The following DNAJC24 variants were observed in gnomAD, a reference collection of about 807,000 sequenced individuals.
DNAJC24 encodes dnaJ homolog subfamily C member 24.
A neutral mutation model predicts 18.0 loss-of-function variants in DNAJC24; 17 were observed. The ratio of observed to expected loss-of-function variants is 0.94; its 90% confidence interval spans 0.65 to 1.42. The LOEUF is 1.42. DNAJC24 is among the 40% of genes most tolerant of loss of function. DNAJC24 has a pLI of 0.00. For synonymous variants in DNAJC24, 55 were observed against 57.7 expected, an observed-to-expected ratio of 0.95 and a Z score of 0.21; for missense variants, 158 against 175.6, an observed-to-expected ratio of 0.90 and a Z score of 0.57.
At chr11:31,405,665 G>A (rs907673598) in intron 2 of DNAJC24, among the ~76,000 whole-genome samples, 1 of 151,934 alleles carries the variant, frequency 6.6e-6, no homozygotes, top group Non-Finnish European at 1.5e-5. Flanking sequence ...GTGTTGCCCA[G>A]GCTGGTCTCA....
At chr11:31,386,762 G>A (rs910091609) in intron 2 of DNAJC24, among the ~76,000 whole-genome samples, 11 of 152,200 alleles carry the variant, frequency 7.2e-5, no homozygotes, top group African/African-American at 1.9e-4. Flanking sequence ...TACCAGCTTC[G>A]CTACAGTGGG....
At chr11:31,375,500 C>T (rs1041111559) in intron 2 of DNAJC24, among the ~76,000 whole-genome samples, 2 of 134,874 alleles carry the variant, frequency 1.5e-5, no homozygotes, top group African/African-American at 5.0e-5. Flanking sequence ...GAGACTTGAA[C>T]ATGTTTACAC....
intron 2 of DNAJC24, among the ~76,000 whole-genome samples, chr11:31,386,333 A>C (rs1952430053): frequency 6.6e-6 from 1 of 151,480 alleles, no homozygotes; most frequent in South Asian, 2.1e-4. Context: ...ACTCTGGGAG[A>C]GATTCCTTCC....
chr11:31,371,643 T>A (rs1310408145), intron 2 of DNAJC24, among the ~76,000 whole-genome samples: 4 of 152,144 alleles, frequency 2.6e-5, no homozygotes. Flanking sequence ...GATTACTGGC[T>A]ATTTTGTGTT....
At position 31,411,396 on chromosome 11, in the gene DNAJC24, A is replaced by G. The variant is rs141016359; in HGVS notation, c.112-3415A>G. 5.5e-3 allele frequency among the ~76,000 whole-genome samples: 836 copies of G among 152,342 alleles called. 10 individuals carry two copies. Among genetic ancestry groups the G allele is most frequent in the African/African-American group, 0.019 (794 of 41,570 alleles). On this transcript the variant is annotated intron_variant, in intron 2 of 4. Transcript: ENST00000465995. Reference sequence around the variant, plus strand: ...GTTTTAATTTCTCATAGCAGTAAAAACAAACTGTCAGAAACTTGGGTGGTT... The same window carrying G: ...GTTTTAATTTCTCATAGCAGTAAAAGCAAACTGTCAGAAACTTGGGTGGTT...
At chr11:31,404,685 T>C (rs933364083) in intron 2 of DNAJC24, among the ~76,000 whole-genome samples, 1 of 152,240 alleles carries the variant, frequency 6.6e-6, no homozygotes, top group Non-Finnish European at 1.5e-5. Context: ...ATAGTGATTA[T>C]TAGACTCATA....
intron 2 of DNAJC24, among the ~76,000 whole-genome samples, chr11:31,399,390 T>C (rs964468741): frequency 2.0e-5 from 3 of 152,060 alleles, no homozygotes; most frequent in African/African-American, 7.2e-5. Flanking sequence ...GAATTCTGTT[T>C]CTGCAGATCT....
intron 2 of DNAJC24, among the ~76,000 whole-genome samples, chr11:31,404,259 G>A (rs1427443629): frequency 6.6e-6 from 1 of 152,182 alleles, no homozygotes; most frequent in Non-Finnish European, 1.5e-5. Context: ...ATGCAGCCCA[G>A]TAGGTCTTAG....
At chr11:31,422,221 G>C (rs1241755862) in intron 3 of DNAJC24, 6 of 185,808 alleles carry the variant, frequency 3.2e-5, no homozygotes, top group Admixed American at 1.9e-4. Flanking sequence ...AATAGATTTG[G>C]AAGTTTTTCT....
chr11:31,427,952 T>C (rs1190457995), intron 4 of DNAJC24: 4 of 147,484 alleles, frequency 2.7e-5, no homozygotes, highest in East Asian at 2.0e-4. Flanking sequence ...TGAGAACAGA[T>C]TGTGAGAATA....
chr11:31,375,833 G>C (rs919676611), intron 2 of DNAJC24, among the ~76,000 whole-genome samples: 1 of 135,344 alleles, frequency 7.4e-6, no homozygotes, highest in African/African-American at 2.5e-5. Flanking sequence ...TTACAGGAGA[G>C]AGAATTTCAA....
intron 2 of DNAJC24, among the ~76,000 whole-genome samples, chr11:31,408,833 T>C (rs909087093): frequency 2.6e-5 from 4 of 152,200 alleles, no homozygotes; most frequent in African/African-American, 9.7e-5. Context: ...CATACAGTTA[T>C]AGGTGTGAAG....
intron 3 of DNAJC24, among the ~76,000 whole-genome samples, chr11:31,423,508 G>A (rs761840415): frequency 2.0e-5 from 3 of 152,140 alleles, no homozygotes; most frequent in African/African-American, 7.2e-5. Context: ...TGATCCACCC[G>A]CCTCGGCCTC....
intron 2 of DNAJC24, among the ~76,000 whole-genome samples, chr11:31,376,677 T>G (rs1163436943): frequency 2.0e-5 from 3 of 152,212 alleles, no homozygotes; most frequent in Non-Finnish European, 4.4e-5. Flanking sequence ...TGACTCTAGA[T>G]TCTCTCGCAT....
intron 2 of DNAJC24, among the ~76,000 whole-genome samples, chr11:31,389,359 C>T (rs1388687506): frequency 6.6e-6 from 1 of 151,904 alleles, no homozygotes; most frequent in Non-Finnish European, 1.5e-5. Context: ...GTAAAAGGAG[C>T]TATACTTATA....
intron 2 of DNAJC24, among the ~76,000 whole-genome samples, chr11:31,403,618 A>G (rs919398334): frequency 3.3e-5 from 5 of 152,206 alleles, no homozygotes; most frequent in African/African-American, 9.7e-5. Context: ...CCTCCAGGCC[A>G]CTCAGGAAGA....
chr11:31,391,983 A>G (rs1952500981), intron 2 of DNAJC24, among the ~76,000 whole-genome samples: 1 of 152,230 alleles, frequency 6.6e-6, no homozygotes, highest in East Asian at 1.9e-4. Context: ...TATTAAGTGA[A>G]ATAAGCCAGG....
At chr11:31,418,198 C>G (rs1952768844) in intron 3 of DNAJC24, among the ~76,000 whole-genome samples, 1 of 152,004 alleles carries the variant, frequency 6.6e-6, no homozygotes, top group East Asian at 1.9e-4. Context: ...CCAGTGTTCC[C>G]CTGAAAGGCA....
At chr11:31,380,341 C>T (rs1017021798) in intron 2 of DNAJC24, among the ~76,000 whole-genome samples, 3 of 152,120 alleles carry the variant, frequency 2.0e-5, no homozygotes, top group African/African-American at 7.2e-5. Context: ...AACGAACTTA[C>T]AGACCAAAAA....
Sources: gnomAD v4.1 joint callset for allele counts (sites outside exome capture counted in the v4.1 genomes callset) on GRCh38, gnomAD v4.1.1 for gene constraint, MANE v1.5 for transcripts, NCBI Gene and HGNC (gene_info 2026-07-23, HGNC 2026-07-21) for gene names.